Variants in C18orf54 observed in about 807,000 individuals in gnomAD.
C18orf54 encodes chromosome 18 open reading frame 54.
In C18orf54, 49 loss-of-function variants were observed where a neutral mutation model predicts 49.3. The ratio of observed to expected loss-of-function variants is 0.99; its 90% CI spans 0.79 to 1.26. The LOEUF (loss-of-function observed/expected upper bound fraction) is 1.26, where lower values mean the gene tolerates loss of function less well. Ranked by LOEUF, C18orf54 falls within the 50% of genes most tolerant of loss-of-function variation. C18orf54 has a pLI of 0.00. For synonymous variants in C18orf54, 211 were observed against 216.6 expected, an observed-to-expected ratio of 0.97 and a Z score of 0.23; for missense variants, 687 against 620.6, an observed-to-expected ratio of 1.11 and a Z score of -1.14.
In C18orf54 at chr18:54,362,212, G is replaced by C; in HGVS notation, c.853G>C (p.Asp285His). ...TCAAAGGGTTTATCAGATATTTAAA[G>C]ATGATCAGTGTTCCCCTAGACATAG... ...NSQRVYQIFK[D>H]DQCSPRHSHQ... The change falls in exon 4 of 9, where the codon GAT becomes CAT. Residue 285 changes from aspartate (D) to histidine (H), a missense_variant. Physicochemically the swap from Asp to His is moderately conservative, Grantham distance 81 (BLOSUM62 -1). Coordinates refer to ENST00000620105, the MANE Select transcript of C18orf54 (RefSeq NM_001288980.2). The C allele has an allele frequency of 6.5e-7, 1 of 1,536,294 alleles. No individual in the cohort carries two copies. The highest frequency in any genetic ancestry group is 8.7e-7 in the Non-Finnish European group (1 of 1,146,886).
At chr18:54,363,189 G>A (rs556351151) in intron 5 of C18orf54, among the ~76,000 whole-genome samples, 2 of 151,976 alleles carry the variant, frequency 1.3e-5, no homozygotes, top group African/African-American at 2.4e-5. Context: ...TTAATATGAG[G>A]GATTAGAACC....
At position 54,381,645 on chromosome 18, in the gene C18orf54, A is replaced by G. The variant is rs2089674693; in HGVS notation, c.*3399A>G. On this transcript the variant is annotated 3_prime_UTR_variant, in exon 9 of 9. Coordinates refer to ENST00000620105, the MANE Select transcript of C18orf54 (RefSeq NM_001288980.2). ...TGAAATACTCAATTTTTATTCTTTT[A>G]TCTAACGCTTACTCTTACATTTCTT... The G allele has an allele frequency of 6.6e-6, 1 of 152,128 alleles. No individual in the cohort carries two copies. The highest frequency in any genetic ancestry group is 1.5e-5 in the Non-Finnish European group (1 of 68,018). The allele number at this position is 152,128 out of a possible 1,614,324, so 9.4% of individuals were successfully genotyped here.
chr18:54,358,516 C>G (rs1289986309), intron 1 of C18orf54: 1 of 152,262 alleles, frequency 6.6e-6, no homozygotes, highest in African/African-American at 2.4e-5. Flanking sequence ...GGTGGAACAC[C>G]AAAGGGAGGG....
chr18:54,372,515 A>G lies in C18orf54; in HGVS notation c.1376A>G (p.Lys459Arg), dbSNP rs1283946152. The part of the protein sequence containing the change: ...GKHHGPVEAL[K>R]QMLFNLQAVQ... ...CATCATGGTCCTGTTGAAGCCCTGA[A>G]ACAAATGTTATTTAACCTTCAAGCA... Residue 459 changes from lysine to arginine, a missense_variant, in exon 7 of 9, where the codon AAA becomes AGA. Coordinates refer to ENST00000620105, the MANE Select transcript of C18orf54 (RefSeq NM_001288980.2). 6.2e-7 allele frequency: 1 copy of G among 1,611,062 alleles called. No individual in the cohort carries two copies. Among genetic ancestry groups the G allele is most frequent in the Non-Finnish European group, 8.5e-7 (1 of 1,177,996 alleles).
Position 54,365,713 on chromosome 18 carries a change from G to A in C18orf54, c.1224-6G>A. The A allele has an allele frequency of 1.3e-6, 2 of 1,555,190 alleles. No homozygotes were observed. The highest frequency in any genetic ancestry group is 2.3e-5 in the East Asian group (1 of 44,204). On this transcript the variant is annotated splice_polypyrimidine_tract_variant and splice_region_variant and intron_variant, in intron 5 of 8. Transcript: ENST00000620105. ...TGCTATCTTGCATCCTTTAAATCCT[G>A]TTTAGCAAATCTCCTGTTCCCGTTA...
intron 8 of C18orf54, among the ~76,000 whole-genome samples, chr18:54,374,874 G>A (rs937439094): frequency 1.3e-5 from 2 of 151,878 alleles, no homozygotes; most frequent in African/African-American, 4.8e-5. Flanking sequence ...AGGAAATACT[G>A]AGATTAAAAG....
Position 54,381,981 on chromosome 18 carries a change from G to C in C18orf54, c.*3735G>C, listed in dbSNP as rs1360966436. 2 of 152,078 alleles carry C rather than the reference G, an allele frequency of 1.3e-5. No homozygotes were observed. Among genetic ancestry groups the C allele is most frequent in the African/African-American group, 4.8e-5 (2 of 41,406 alleles). The allele number at this position is 152,078 out of a possible 1,614,324, so 9.4% of individuals were successfully genotyped here. A position where few individuals can be genotyped will look rare whatever the true frequency, so the allele number is the denominator to read the frequency against. The stretch of plus-strand genomic sequence containing the variant: ...ATTGATTGATTGATATTCTAAACCT[G>C]GTTTCCTATATAAAGTTGTAAGTTC... On this transcript the variant is annotated 3_prime_UTR_variant, in exon 9 of 9. Transcript: ENST00000620105.
intron 5 of C18orf54, among the ~76,000 whole-genome samples, chr18:54,365,130 G>T (rs550691317): frequency 6.6e-6 from 1 of 152,046 alleles, no homozygotes; most frequent in South Asian, 2.1e-4. Context: ...GAGATAGATG[G>T]GACTACAAAT....
intron 3 of C18orf54, 76 bp from the exon 4 acceptor site, chr18:54,361,567 A>T (rs1417907725): frequency 7.7e-7 from 1 of 1,299,164 alleles, no homozygotes; most frequent in Non-Finnish European, 1.0e-6. Flanking sequence ...TGCCTCTTAA[A>T]TTCTTAATTC....
chr18:54,367,244 C>T (rs1187479147), intron 6 of C18orf54, among the ~76,000 whole-genome samples: 6 of 151,810 alleles, frequency 4.0e-5, no homozygotes, highest in Non-Finnish European at 1.5e-5. Context: ...TCCTTTTTTC[C>T]CCTCATATTA....
intron 5 of C18orf54, among the ~76,000 whole-genome samples, chr18:54,364,877 TA>T (rs2089349790): frequency 6.6e-6 from 1 of 152,002 alleles, no homozygotes; most frequent in Non-Finnish European, 1.5e-5. Flanking sequence ...CTGTAAATGT[TA>T]AAAAAAGATT....
At chr18:54,363,472 C>A (rs1158538738) in intron 5 of C18orf54, among the ~76,000 whole-genome samples, 1 of 152,104 alleles carries the variant, frequency 6.6e-6, no homozygotes, top group Non-Finnish European at 1.5e-5. Context: ...CCTGCACCAC[C>A]ATGCCCAGCT....
At chr18:54,362,597 A>G (rs1452322632) in intron 4 of C18orf54, among the ~76,000 whole-genome samples, 166 bp downstream of exon 4, 1 of 152,162 alleles carries the variant, frequency 6.6e-6, no homozygotes, top group Non-Finnish European at 1.5e-5. Flanking sequence ...GTAACTAGAA[A>G]ATGTCTTTTC....
intron 8 of C18orf54, among the ~76,000 whole-genome samples, chr18:54,376,268 A>C (rs1368126461): frequency 6.6e-6 from 1 of 152,238 alleles, no homozygotes; most frequent in East Asian, 1.9e-4. Context: ...AGTCCCTTAA[A>C]TACTCAGTTT....
intron 5 of C18orf54, among the ~76,000 whole-genome samples, chr18:54,363,606 G>A (rs1404317046): frequency 6.6e-6 from 1 of 152,032 alleles, no homozygotes; most frequent in East Asian, 1.9e-4. Flanking sequence ...TTGAGCCACC[G>A]TGCCCGGCCT....
chr18:54,376,444 C>G (rs957154763), intron 8 of C18orf54, among the ~76,000 whole-genome samples: 1 of 152,298 alleles, frequency 6.6e-6, no homozygotes, highest in Non-Finnish European at 1.5e-5. Flanking sequence ...GGTGATCCAC[C>G]TGCCTCGGCC....
chr18:54,362,746 A>G lies in C18orf54; in HGVS notation c.1073-25A>G, dbSNP rs775078661. 9.4e-6 allele frequency: 15 copies of G among 1,587,944 alleles called. No homozygotes were observed. The South Asian group carries it at 1.4e-4, about 15-fold the overall frequency. On this transcript the variant is annotated intron_variant, in intron 4 of 8. Coordinates refer to ENST00000620105, the MANE Select transcript of C18orf54 (RefSeq NM_001288980.2). ...TTTACATTAATTTTTTTCTTCAAGGATTAATAGTCATCTTTTACAATTAGG... is the reference window on the plus strand; with the variant it reads ...TTTACATTAATTTTTTTCTTCAAGGGTTAATAGTCATCTTTTACAATTAGG...
chr18:54,370,233 C>T (rs571265497), intron 6 of C18orf54, among the ~76,000 whole-genome samples: 2 of 149,310 alleles, frequency 1.3e-5, no homozygotes, highest in African/African-American at 4.9e-5. Flanking sequence ...GCCAAGATTG[C>T]GCCATTGCAC....
At chr18:54,362,505 T>C in intron 4 of C18orf54, 74 bp downstream of exon 4, 1 of 1,257,956 alleles carries the variant, frequency 7.9e-7, no homozygotes, top group Non-Finnish European at 1.1e-6. Flanking sequence ...GTAAAGTTGA[T>C]GTGATATCTG....
Sources: allele counts gnomAD v4.1 joint callset (sites outside exome capture counted in the v4.1 genomes callset), GRCh38; gene constraint gnomAD v4.1.1; transcripts MANE v1.5; gene names NCBI Gene and HGNC (gene_info 2026-07-23, HGNC 2026-07-21).